CERS3: variants seen among roughly 807,000 people sequenced by gnomAD.
CERS3 encodes the protein ceramide synthase 3.
Under a neutral mutation model 50.3 loss-of-function variants are expected in CERS3, and 33 were observed. That is an observed-to-expected ratio of 0.66 (90% confidence interval 0.50 to 0.88). The LOEUF is 0.88. Ranked by LOEUF, CERS3 falls within the 40% of genes least tolerant of loss-of-function variation. The probability of loss-of-function intolerance (pLI) is 0.00; values close to 1 mark genes in which losing one functional copy is unlikely to be tolerated. For synonymous variants in CERS3, 176 were observed against 155.2 expected (o/e 1.13, Z -0.99); for missense variants, 470 against 460.3 (o/e 1.02, Z -0.19).
At chr15:100,496,150 C>G (rs1433033588) in intron 3 of CERS3, among the ~76,000 whole-genome samples, 2 of 152,192 alleles carry the variant, frequency 1.3e-5, no homozygotes, top group African/African-American at 2.4e-5. Flanking sequence ...GGGATATACA[C>G]TAACAGTGCC....
chr15:100,462,678 TCCTGGAAGTA>T (rs1299208595), intron 10 of CERS3, among the ~76,000 whole-genome samples: 1 of 152,254 alleles, frequency 6.6e-6, no homozygotes. Flanking sequence ...AGCTATGTGA[TCCTGGAAGTA>T]CCTTAACTCT....
upstream of CERS3, among the ~76,000 whole-genome samples, chr15:100,532,554 C>G (rs1273248149): frequency 6.6e-6 from 1 of 151,950 alleles, no homozygotes; most frequent in African/African-American, 2.4e-5. Context: ...TTGCTTGCGT[C>G]CAAGAGTTCA....
At chr15:100,420,363 T>C (rs1285251882) in intron 11 of CERS3, among the ~76,000 whole-genome samples, 3 of 151,820 alleles carry the variant, frequency 2.0e-5, no homozygotes, top group Non-Finnish European at 4.4e-5. Context: ...CACATAACAC[T>C]CTCCCAAGAC....
At position 100,469,473 on chromosome 15, in the gene CERS3, C is replaced by T; in HGVS notation, c.750G>A (p.Met250Ile). 6.2e-7 allele frequency: 1 copy of T among 1,612,650 alleles called. No individual in the cohort carries two copies. The highest frequency in any genetic ancestry group is 8.5e-7 in the Non-Finnish European group (1 of 1,178,844). The change falls in exon 10 of 12, where the codon ATG (methionine) becomes ATA (isoleucine). Residue 250 changes from methionine (M) to isoleucine (I), a missense_variant. Met to Ile is a conservative substitution (Grantham distance 10). Coordinates refer to ENST00000679737, the MANE Select transcript of CERS3 (RefSeq NM_001378789.1). ...VADIWLESAK[M>I]FSYAGWTQTC... ...TCTGCGTCCATCCAGCATAAGAAAA[C>T]ATCTTAGCAGACTGCAAAAAAGAAA...
At chr15:100,428,214 A>G (rs1485137139) in intron 11 of CERS3, among the ~76,000 whole-genome samples, 4 of 152,230 alleles carry the variant, frequency 2.6e-5, no homozygotes, top group African/African-American at 4.8e-5. Context: ...CAAAACCATT[A>G]TCATTTGAAT....
chr15:100,541,939 A>T (rs1303564130), intron 1 of CERS3, among the ~76,000 whole-genome samples: 1 of 152,224 alleles, frequency 6.6e-6, no homozygotes, highest in Non-Finnish European at 1.5e-5. Flanking sequence ...ATGGGATACT[A>T]GTCATTTACA....
chr15:100,513,929 T>C (rs1166439864), intron 2 of CERS3, among the ~76,000 whole-genome samples: 3 of 152,224 alleles, frequency 2.0e-5, no homozygotes, highest in South Asian at 4.1e-4. Context: ...GATCCTCATC[T>C]AGTCTTTCCA....
At chr15:100,423,458 G>A (rs1441551930) in intron 11 of CERS3, among the ~76,000 whole-genome samples, 6 of 152,170 alleles carry the variant, frequency 3.9e-5, no homozygotes, top group Non-Finnish European at 8.8e-5. Flanking sequence ...ACAAAATCAT[G>A]TCCTTTGGAA....
At chr15:100,413,510 G>GACTATACTAT (rs56261519) in intron 11 of CERS3, among the ~76,000 whole-genome samples, 2,861 of 149,732 alleles carry the variant, frequency 0.019, 40 homozygotes, top group East Asian at 0.031. Flanking sequence ...CACAACTGAC[G>GACTATACTAT]ACTATACTAT....
chr15:100,536,638 A>G (rs2037082059), intron 1 of CERS3, among the ~76,000 whole-genome samples: 1 of 152,234 alleles, frequency 6.6e-6, no homozygotes, highest in African/African-American at 2.4e-5. Flanking sequence ...AAATTAGGAA[A>G]TGGACAGAAG....
intron 2 of CERS3, among the ~76,000 whole-genome samples, chr15:100,521,415 C>A (rs9806412): frequency 0.96 from 146,409 of 152,290 alleles, 70,435 homozygotes; most frequent in Non-Finnish European, 0.98. Flanking sequence ...ATGCCACCCC[C>A]TGATGGCTCT....
chr15:100,419,612 A>G (rs1259377721), intron 11 of CERS3, among the ~76,000 whole-genome samples: 1 of 148,680 alleles, frequency 6.7e-6, no homozygotes, highest in Non-Finnish European at 1.5e-5. Flanking sequence ...TCTCCACCCC[A>G]AATCAACAGA....
chr15:100,517,355 C>T (rs1042659596), intron 2 of CERS3, among the ~76,000 whole-genome samples: 1 of 152,186 alleles, frequency 6.6e-6, no homozygotes, highest in African/African-American at 2.4e-5. Flanking sequence ...CCAGCAGTCC[C>T]TCATTTCCTA....
At chr15:100,537,861 A>G (rs1252204382) in intron 1 of CERS3, among the ~76,000 whole-genome samples, 1 of 152,206 alleles carries the variant, frequency 6.6e-6, no homozygotes, top group East Asian at 1.9e-4. Flanking sequence ...CCAAAAGTCC[A>G]AGTCCAAAGT....
chr15:100,480,875 G>C lies in CERS3; in HGVS notation c.408-829C>G, dbSNP rs151171354. ...GTAGGCGAGAGGTGTAGTGGGGATA[G>C]AGAGGACATAGGATTGGCCTTGAGT... On this transcript the variant is annotated intron_variant, in intron 5 of 11. Transcript: ENST00000679737. Among the ~76,000 whole-genome samples the C allele has an allele frequency of 1.3e-3, 198 of 152,302 alleles. 2 individuals are homozygous for C. The highest frequency in any genetic ancestry group is 3.9e-3 in the African/African-American group (163 of 41,568).
intron 10 of CERS3, among the ~76,000 whole-genome samples, chr15:100,467,769 C>CTCTA (rs2034801620): frequency 1.5e-5 from 2 of 129,168 alleles, no homozygotes; most frequent in Non-Finnish European, 3.3e-5. Flanking sequence ...CTCTCTCTCT[C>CTCTA]TATATATATA....
chr15:100,532,142 T>C (rs2036952602), upstream of CERS3, among the ~76,000 whole-genome samples: 1 of 152,252 alleles, frequency 6.6e-6, no homozygotes, highest in Admixed American at 6.5e-5. Context: ...AAAGCTCTCC[T>C]AGCCAAGGGC....
At position 100,413,307 on chromosome 15, in the gene CERS3, G is replaced by A. The variant is rs7162256; in HGVS notation, c.1000-10442C>T. Among the ~76,000 whole-genome samples the A allele has an allele frequency of 9.6e-3, 1,460 of 152,034 alleles. 26 individuals are homozygous for A. The highest frequency in any genetic ancestry group is 0.033 in the African/African-American group (1,368 of 41,480). ...GATTTTAAGTAAAGCAACATTCAAG[G>A]AATAATCATAGCAAGACAGAGGATT... On this transcript the variant is annotated intron_variant, in intron 11 of 11. Coordinates refer to ENST00000679737, the MANE Select transcript of CERS3 (RefSeq NM_001378789.1).
At chr15:100,427,781 G>C (rs1476632529) in intron 11 of CERS3, among the ~76,000 whole-genome samples, 2 of 152,154 alleles carry the variant, frequency 1.3e-5, no homozygotes, top group Non-Finnish European at 2.9e-5. Context: ...AAATATGATG[G>C]CTTGAGCTAG....
Sources: gnomAD v4.1 joint callset for allele counts (sites outside exome capture counted in the v4.1 genomes callset) on GRCh38, gnomAD v4.1.1 for gene constraint, MANE v1.5 for transcripts, NCBI Gene and HGNC (gene_info 2026-07-23, HGNC 2026-07-21) for gene names.